The following TLE4 variants were observed in gnomAD, a reference collection of about 807,000 sequenced individuals.
TLE4 encodes the protein transducin-like enhancer protein 4.
TLE4 carries 8 observed loss-of-function variants against 92.8 expected under a neutral mutation model. The observed-to-expected ratio is 0.09, with a 90% CI of 0.05 to 0.16. The LOEUF is 0.16. Among genes scored for constraint, TLE4 ranks in the 10% least tolerant of loss-of-function variants. TLE4 has a pLI of 1.00. For missense variants in TLE4, 675 were observed against 997.6 expected, an observed-to-expected ratio of 0.68 and a Z score of 4.36; for synonymous variants, 371 against 374.1, an observed-to-expected ratio of 0.99 and a Z score of 0.10.
chr9:79,575,251 A>G (rs1360935048), intron 3 of TLE4, among the ~76,000 whole-genome samples: 2 of 152,216 alleles, frequency 1.3e-5, no homozygotes, highest in African/African-American at 4.8e-5. Context: ...TTTTTGTGTT[A>G]GTGGCTTTCT....
chr9:79,716,682 C>G (rs73652243), intron 14 of TLE4, among the ~76,000 whole-genome samples: 6,889 of 152,270 alleles, frequency 0.045, 375 homozygotes, highest in African/African-American at 0.13. Flanking sequence ...TCAGACAATT[C>G]GTACCCATTC....
At chr9:79,668,602 C>A (rs540905999) in intron 8 of TLE4, among the ~76,000 whole-genome samples, 6 of 152,210 alleles carry the variant, frequency 3.9e-5, no homozygotes, top group African/African-American at 1.2e-4. Context: ...AAGAATGTTA[C>A]AACAGAAATA....
At chr9:79,637,836 CTG>C (rs147182815) in intron 6 of TLE4, among the ~76,000 whole-genome samples, 8 of 150,356 alleles carry the variant, frequency 5.3e-5, no homozygotes, top group South Asian at 2.1e-4. Flanking sequence ...GCAGAATTGC[CTG>C]TGTGTGTGTG....
At chr9:79,607,266 A>G (rs2047253624) in intron 4 of TLE4, among the ~76,000 whole-genome samples, 1 of 151,840 alleles carries the variant, frequency 6.6e-6, no homozygotes, top group African/African-American at 2.4e-5. Context: ...TAGATTCTGG[A>G]TATTAGCCTT....
chr9:79,573,594 C>G, intron 1 of TLE4, 95 bp from the exon 2 acceptor site: 1 of 1,059,698 alleles, frequency 9.4e-7, no homozygotes, highest in Non-Finnish European at 1.3e-6. Context: ...GCGCGATGAC[C>G]CTCACCCCCC....
intron 5 of TLE4, among the ~76,000 whole-genome samples, chr9:79,623,699 GTTTTTTTT>G (rs35464327): frequency 1.0e-4 from 14 of 137,298 alleles, no homozygotes; most frequent in Non-Finnish European, 2.0e-4. Flanking sequence ...CAATCTAAGG[GTTTTTTTT>G]TTTTTTTTTT....
At chr9:79,697,098 T>A (rs1363863260) in intron 8 of TLE4, among the ~76,000 whole-genome samples, 2 of 152,166 alleles carry the variant, frequency 1.3e-5, no homozygotes, top group Non-Finnish European at 2.9e-5. Context: ...TAACTGTAAT[T>A]TACAGAGTTA....
intron 4 of TLE4, among the ~76,000 whole-genome samples, chr9:79,589,604 A>C (rs543667743): frequency 6.6e-6 from 1 of 152,226 alleles, no homozygotes; most frequent in South Asian, 2.1e-4. Flanking sequence ...TGTGAGACCC[A>C]TTAGTCCTGT....
At chr9:79,589,369 A>C (rs148638471) in intron 4 of TLE4, among the ~76,000 whole-genome samples, 1 of 151,908 alleles carries the variant, frequency 6.6e-6, no homozygotes, top group East Asian at 1.9e-4. Flanking sequence ...GGTGGTAGTT[A>C]AGTTCTGAAT....
intron 6 of TLE4, among the ~76,000 whole-genome samples, chr9:79,644,776 T>C (rs1292619918): frequency 6.6e-6 from 1 of 152,206 alleles, no homozygotes; most frequent in Non-Finnish European, 1.5e-5. Context: ...TTTGGCTCCT[T>C]TCAAGGTCTG....
chr9:79,625,646 T>A (rs1280229364), intron 5 of TLE4, among the ~76,000 whole-genome samples: 2 of 152,150 alleles, frequency 1.3e-5, no homozygotes, highest in Non-Finnish European at 2.9e-5. Context: ...GAGCTCTGTG[T>A]TTGGCACATA....
At chr9:79,626,084 T>C (rs1433305532) in intron 5 of TLE4, among the ~76,000 whole-genome samples, 1 of 152,122 alleles carries the variant, frequency 6.6e-6, no homozygotes, top group Admixed American at 6.6e-5. Context: ...CACATTTCTA[T>C]TAGGAAACCA....
chr9:79,593,289 A>G (rs564923832), intron 4 of TLE4, among the ~76,000 whole-genome samples: 24 of 152,214 alleles, frequency 1.6e-4, no homozygotes, highest in African/African-American at 5.5e-4. Context: ...GCTTTATGGG[A>G]TGTTTTTTTC....
At chr9:79,665,508 G>T (rs984903664) in intron 8 of TLE4, among the ~76,000 whole-genome samples, 5 of 152,194 alleles carry the variant, frequency 3.3e-5, no homozygotes, top group Non-Finnish European at 5.9e-5. Context: ...TATAAAACCA[G>T]TTTATGATGA....
chr9:79,725,760 T>G lies in TLE4; in HGVS notation c.*616T>G, dbSNP rs1226985910. The G allele has an allele frequency of 1.3e-5, 2 of 152,718 alleles. No individual in the cohort carries two copies. The highest frequency in any genetic ancestry group is 2.9e-5 in the Non-Finnish European group (2 of 68,076). 9.5% of individuals were successfully genotyped at this position (152,718 alleles called of 1,614,324 possible). ...CACAACAGGCCAACTCATACTCATT[T>G]GGATCTATTTAGACAACGTTAACCA... is the stretch of plus-strand genomic sequence containing the variant. On this transcript the variant is annotated 3_prime_UTR_variant, in exon 20 of 20. Coordinates refer to ENST00000376552, the MANE Select transcript of TLE4 (RefSeq NM_007005.6).
chr9:79,626,762 T>G (rs1291358786), intron 5 of TLE4, among the ~76,000 whole-genome samples: 1 of 152,198 alleles, frequency 6.6e-6, no homozygotes, highest in Non-Finnish European at 1.5e-5. Flanking sequence ...GGCTTTAGTT[T>G]TTCTGTTGGA....
chr9:79,674,282 G>T (rs1407249939), intron 8 of TLE4, among the ~76,000 whole-genome samples: 1 of 152,016 alleles, frequency 6.6e-6, no homozygotes, highest in Non-Finnish European at 1.5e-5. Flanking sequence ...GCCCATTAAG[G>T]TGGAGTTTGC....
At chr9:79,689,209 C>T (rs530310520) in intron 8 of TLE4, among the ~76,000 whole-genome samples, 175 of 151,966 alleles carry the variant, frequency 1.2e-3, no homozygotes, top group African/African-American at 4.0e-3. Context: ...AGGCATAGGG[C>T]GTATGTAAGT....
chr9:79,606,342 TTTTA>T (rs1351765693), intron 4 of TLE4, among the ~76,000 whole-genome samples: 1 of 149,878 alleles, frequency 6.7e-6, no homozygotes, highest in African/African-American at 2.5e-5. Flanking sequence ...TTTTTTTTTT[TTTTA>T]AGAATACCTA....
Sources: allele counts gnomAD v4.1 joint callset (sites outside exome capture counted in the v4.1 genomes callset), GRCh38; gene constraint gnomAD v4.1.1; transcripts MANE v1.5; gene names NCBI Gene and HGNC (gene_info 2026-07-23, HGNC 2026-07-21).